The following DMD variants were observed in gnomAD, a reference collection of about 807,000 sequenced individuals.
The protein encoded by DMD is dystrophin.
Under a neutral mutation model 330.1 loss-of-function variants are expected in DMD, and 63 were observed. The ratio of observed to expected loss-of-function variants is 0.19; its 90% confidence interval spans 0.16 to 0.24. DMD has a LOEUF of 0.24. Ranked by LOEUF, DMD falls within the 10% of genes least tolerant of loss-of-function variation. DMD has a pLI of 1.00. For synonymous variants in DMD, 1,223 were observed against 959.8 expected (o/e 1.27, Z -5.07); for missense variants, 3,344 against 2,684.1 (o/e 1.25, Z -5.43).
intron 2 of DMD, among the ~76,000 whole-genome samples, chrX:32,896,827 G>A (rs889261212): frequency 4.5e-5 from 5 of 112,335 alleles, no homozygotes; most frequent in African/African-American, 1.3e-4. Flanking sequence ...TATCACAGCT[G>A]CAAGGAAAAT....
chrX:31,959,124 C>G (rs2095275358), intron 45 of DMD, among the ~76,000 whole-genome samples: 1 of 111,820 alleles, frequency 8.9e-6, no homozygotes, highest in African/African-American at 3.3e-5. Context: ...AAGTTCTATT[C>G]TGCTTACTCA....
At chrX:31,823,383 A>C (rs1302347256) in intron 49 of DMD, among the ~76,000 whole-genome samples, 1 of 111,905 alleles carries the variant, frequency 8.9e-6, no homozygotes, top group East Asian at 2.8e-4. Context: ...TCCTAATAAG[A>C]GGAGTTCAGT....
rs1603631246 is a variant in DMD, at chrX:32,343,254, T to C, written c.5619A>G (p.Leu1873=). Residue 1873 remains leucine (L), a synonymous_variant, in exon 40 of 79, where the codon CTA becomes CTG. Coordinates refer to ENST00000357033, the MANE Select transcript of DMD (RefSeq NM_004006.3). The part of the protein sequence containing the change: ...DLRSQRRKKA[L]EISHQWYQYK... Reference sequence around the variant, plus strand: ...ACTGATACCACTGATGAGAAATTTCTAGAGCCTTTTTTCTTCTTTGAGACC... The same window carrying C: ...ACTGATACCACTGATGAGAAATTTCCAGAGCCTTTTTTCTTCTTTGAGACC... The C allele has an allele frequency of 7.4e-6, 9 of 1,208,648 alleles. No individual in the cohort carries two copies. Among genetic ancestry groups the C allele is most frequent in the Non-Finnish European group, 9.0e-6 (8 of 892,870 alleles).
chrX:31,540,275 T>G (rs894298075), intron 55 of DMD, among the ~76,000 whole-genome samples: 2 of 112,191 alleles, frequency 1.8e-5, no homozygotes, highest in Non-Finnish European at 3.8e-5. Context: ...TTATCACTAC[T>G]CACTAGACTC....
intron 30 of DMD, among the ~76,000 whole-genome samples, chrX:32,400,460 A>C (rs999429127): frequency 1.8e-5 from 2 of 111,151 alleles, no homozygotes; most frequent in East Asian, 2.8e-4. Flanking sequence ...TATCAGAATG[A>C]TGCTGGCCTC....
chrX:33,127,961 T>C, intron 1 of DMD: 1 of 980,047 alleles, frequency 1.0e-6, no homozygotes, highest in Non-Finnish European at 1.3e-6. Context: ...CTTTCTTCCC[T>C]TCCTCACAAC....
chrX:31,932,721 G>A (rs2094873750), intron 45 of DMD, among the ~76,000 whole-genome samples: 1 of 111,900 alleles, frequency 8.9e-6, no homozygotes, highest in African/African-American at 3.2e-5. Context: ...ACTCCACCCC[G>A]GGCAACAGAG....
At chrX:31,565,187 A>T (rs1368114263) in intron 55 of DMD, among the ~76,000 whole-genome samples, 1 of 111,707 alleles carries the variant, frequency 9.0e-6, no homozygotes, top group East Asian at 2.8e-4. Flanking sequence ...GTACAATATC[A>T]TAACCAGGAT....
chrX:32,777,890 T>TC (rs1214915028), intron 7 of DMD, among the ~76,000 whole-genome samples: 2 of 112,472 alleles, frequency 1.8e-5, no homozygotes, highest in African/African-American at 6.5e-5. Flanking sequence ...ATTTTGGATG[T>TC]CCAGCAGTGT....
At chrX:31,302,586 G>C (rs2054732160) in intron 62 of DMD, among the ~76,000 whole-genome samples, 1 of 109,879 alleles carries the variant, frequency 9.1e-6, no homozygotes, top group Non-Finnish European at 1.9e-5. Context: ...ATTCAACAAA[G>C]ACAAGGAAAG....
intron 55 of DMD, among the ~76,000 whole-genome samples, chrX:31,516,278 CAAA>C (rs72056571): frequency 1.9e-4 from 10 of 51,834 alleles, no homozygotes; most frequent in African/African-American, 3.5e-4. Context: ...AAAACAAGCG[CAAA>C]AAAAAAAAAA....
intron 13 of DMD, among the ~76,000 whole-genome samples, chrX:32,592,634 G>A (rs1292789413): frequency 1.8e-5 from 2 of 112,141 alleles, no homozygotes; most frequent in East Asian, 5.6e-4. Flanking sequence ...CAAGAACTCA[G>A]GACTTGCTGA....
At chrX:31,291,927 ACTCAAT>A (rs1461182858) in intron 62 of DMD, among the ~76,000 whole-genome samples, 1 of 111,320 alleles carries the variant, frequency 9.0e-6, no homozygotes, top group African/African-American at 3.3e-5. Context: ...GAAAAATAAA[ACTCAAT>A]CTCTATCTCA....
At chrX:32,515,127 G>C (rs891568551) in intron 18 of DMD, among the ~76,000 whole-genome samples, 5 of 111,566 alleles carry the variant, frequency 4.5e-5, no homozygotes, top group Non-Finnish European at 7.5e-5. Context: ...TGCTGTTTTC[G>C]AGGGTAAAAT....
intron 47 of DMD, among the ~76,000 whole-genome samples, chrX:31,891,482 T>A (rs1364600548): frequency 8.9e-6 from 1 of 111,751 alleles, no homozygotes; most frequent in Non-Finnish European, 1.9e-5. Context: ...ATGGGTCACA[T>A]TCAGCCACCA....
At chrX:31,321,583 C>CAAAAAAAAAAAAAAAAAAA (rs1190446358) in intron 62 of DMD, among the ~76,000 whole-genome samples, 7 of 10,464 alleles carry the variant, frequency 6.7e-4, no homozygotes, top group Admixed American at 1.7e-3. Flanking sequence ...AACTCCATCT[C>CAAAAAAAAAAAAAAAAAAA]AAAAAAAAAA....
chrX:32,973,522 T>C (rs1447657718), intron 2 of DMD, among the ~76,000 whole-genome samples: 2 of 111,673 alleles, frequency 1.8e-5, no homozygotes, highest in Non-Finnish European at 3.8e-5. Context: ...TGAGTTACCA[T>C]AGAAAATGTG....
intron 2 of DMD, among the ~76,000 whole-genome samples, chrX:32,862,049 GT>G (rs2082110412): frequency 1.8e-5 from 2 of 111,672 alleles, no homozygotes; most frequent in Non-Finnish European, 3.8e-5. Flanking sequence ...ATACTGGAAT[GT>G]TTTGTGGACC....
chrX:33,281,801 G>A (rs370960427), intron 1 of DMD, among the ~76,000 whole-genome samples: 6 of 106,888 alleles, frequency 5.6e-5, no homozygotes, highest in South Asian at 4.3e-4. Flanking sequence ...AGTATTTCTC[G>A]TGTTATTGAG....
Sources: gnomAD v4.1 joint callset for allele counts (sites outside exome capture counted in the v4.1 genomes callset) on GRCh38, gnomAD v4.1.1 for gene constraint, MANE v1.5 for transcripts, NCBI Gene and HGNC (gene_info 2026-07-23, HGNC 2026-07-21) for gene names.